The following EIF3H variants were observed in gnomAD, a reference collection of about 807,000 sequenced individuals.
EIF3H encodes eukaryotic translation initiation factor 3 subunit H.
In EIF3H, 26 loss-of-function variants were observed where a neutral mutation model predicts 44.2. The ratio of observed to expected loss-of-function variants is 0.59; its 90% CI spans 0.43 to 0.82. EIF3H has a LOEUF of 0.82. Among genes scored for constraint, EIF3H ranks in the 40% least tolerant of loss-of-function variants. The pLI is 0.00. For missense variants in EIF3H, 359 were observed against 432.8 expected, an observed-to-expected ratio of 0.83 and a Z score of 1.51; for synonymous variants, 166 against 151.9, an observed-to-expected ratio of 1.09 and a Z score of -0.68.
At chr8:116,703,679 T>A (rs1296442104) in intron 2 of EIF3H, among the ~76,000 whole-genome samples, 1 of 152,210 alleles carries the variant, frequency 6.6e-6, no homozygotes, top group Non-Finnish European at 1.5e-5. Context: ...ATGGCTTGTG[T>A]GACCTTACCT....
chr8:116,755,390 C>T (rs1006699892), intron 1 of EIF3H, among the ~76,000 whole-genome samples: 2 of 152,168 alleles, frequency 1.3e-5, no homozygotes, highest in African/African-American at 4.8e-5. Flanking sequence ...CTTCAAATCC[C>T]CCCACCGGTC....
chr8:116,746,566 G>T (rs1293204955), intron 1 of EIF3H, among the ~76,000 whole-genome samples: 5 of 152,186 alleles, frequency 3.3e-5, no homozygotes, highest in African/African-American at 7.2e-5. Context: ...CTGAATTCAA[G>T]CTCCAGGATA....
rs1188248085 is a variant in EIF3H, at chr8:116,680,047, C to T, written c.290-21067G>A. On this transcript the variant is annotated intron_variant, in intron 2 of 7. Transcript: ENST00000521861. ...TCCGGGAGGGAGGCGGGGGGGGGGT[C>T]GGCCAGCCGCCCTGTCCAGGAGGGA... 9.5e-4 allele frequency among the ~76,000 whole-genome samples: 26 copies of T among 27,416 alleles called. 7 individuals carry two copies. Among genetic ancestry groups the T allele is most frequent in the Non-Finnish European group, 2.0e-3 (20 of 9,960 alleles). 18.0% of individuals were successfully genotyped at this position (27,416 alleles called of 152,430 possible).
intron 2 of EIF3H, among the ~76,000 whole-genome samples, chr8:116,664,757 T>C (rs1483882364): frequency 8.1e-6 from 1 of 123,178 alleles, no homozygotes; most frequent in East Asian, 2.0e-4. Flanking sequence ...AACAAAGTCA[T>C]TTAAATTCTA....
At chr8:116,695,691 A>T (rs1423104827) in intron 2 of EIF3H, among the ~76,000 whole-genome samples, 1 of 152,196 alleles carries the variant, frequency 6.6e-6, no homozygotes, top group Non-Finnish European at 1.5e-5. Flanking sequence ...CAACCCATGC[A>T]TGAGGCCTGG....
chr8:116,748,681 T>C (rs1019366146), intron 1 of EIF3H, among the ~76,000 whole-genome samples: 2 of 152,234 alleles, frequency 1.3e-5, no homozygotes, highest in African/African-American at 4.8e-5. Flanking sequence ...AGGAAGCTGA[T>C]ATTCTAGTGT....
At chr8:116,672,531 G>A (rs147219839) in intron 2 of EIF3H, among the ~76,000 whole-genome samples, 1 of 152,044 alleles carries the variant, frequency 6.6e-6, no homozygotes, top group East Asian at 1.9e-4. Context: ...TCAGGAGAAC[G>A]AGGTGGAAGG....
chr8:116,664,310 CTT>C (rs1813631672), intron 2 of EIF3H, among the ~76,000 whole-genome samples: 1 of 152,168 alleles, frequency 6.6e-6, no homozygotes, highest in Non-Finnish European at 1.5e-5. Context: ...TGGGCTTTCT[CTT>C]GTTTTACTGT....
At chr8:116,717,887 A>T (rs567118628) in intron 2 of EIF3H, among the ~76,000 whole-genome samples, 31 of 152,220 alleles carry the variant, frequency 2.0e-4, no homozygotes, top group African/African-American at 7.5e-4. Context: ...AACCAAGATA[A>T]ATTGATGGGA....
At chr8:116,664,971 A>C (rs1302100816) in intron 2 of EIF3H, among the ~76,000 whole-genome samples, 2 of 152,176 alleles carry the variant, frequency 1.3e-5, no homozygotes, top group African/African-American at 2.4e-5. Flanking sequence ...AGTGTTCCAC[A>C]TATGTTATCT....
intron 5 of EIF3H, among the ~76,000 whole-genome samples, chr8:116,652,554 G>C (rs1201101321): frequency 6.6e-6 from 1 of 152,086 alleles, no homozygotes; most frequent in Non-Finnish European, 1.5e-5. Context: ...AAGTATTTAG[G>C]GGTTAAAAGT....
At chr8:116,742,474 A>G (rs1048382858) in intron 1 of EIF3H, among the ~76,000 whole-genome samples, 5 of 152,250 alleles carry the variant, frequency 3.3e-5, no homozygotes, top group Non-Finnish European at 4.4e-5. Context: ...AAATTTTCCC[A>G]CATGTACCTG....
intron 2 of EIF3H, among the ~76,000 whole-genome samples, chr8:116,690,590 A>T (rs1273838071): frequency 6.6e-6 from 1 of 152,186 alleles, no homozygotes; most frequent in South Asian, 2.1e-4. Flanking sequence ...ACTTACTGAA[A>T]AGGCTGTAAT....
At chr8:116,658,607 T>C (rs1316996995) in intron 3 of EIF3H, 6 of 476,402 alleles carry the variant, frequency 1.3e-5, no homozygotes, top group Non-Finnish European at 1.8e-5. Flanking sequence ...TTCCAAAATG[T>C]ACACATCAGG....
intron 2 of EIF3H, among the ~76,000 whole-genome samples, chr8:116,704,605 G>A (rs575120446): frequency 2.9e-4 from 44 of 152,292 alleles, no homozygotes; most frequent in South Asian, 6.2e-4. Context: ...TCCACATACA[G>A]AAGAGTAAGG....
chr8:116,715,747 A>G (rs1022830854), intron 2 of EIF3H, among the ~76,000 whole-genome samples: 2 of 152,126 alleles, frequency 1.3e-5, no homozygotes, highest in African/African-American at 4.8e-5. Flanking sequence ...CAGTTGTATA[A>G]AACAGTATCT....
chr8:116,710,270 T>C (rs1220421926), intron 2 of EIF3H, among the ~76,000 whole-genome samples: 1 of 152,220 alleles, frequency 6.6e-6, no homozygotes, highest in Non-Finnish European at 1.5e-5. Flanking sequence ...CAGGCACTGA[T>C]TTCCTAAGTC....
intron 2 of EIF3H, among the ~76,000 whole-genome samples, chr8:116,693,447 G>A (rs2130865585): frequency 6.6e-6 from 1 of 152,272 alleles, no homozygotes; most frequent in South Asian, 2.1e-4. Context: ...CTGCTGCATT[G>A]ATAAGTAGAA....
chr8:116,666,256 A>T (rs1001583049), intron 2 of EIF3H, among the ~76,000 whole-genome samples: 2 of 152,098 alleles, frequency 1.3e-5, no homozygotes, highest in African/African-American at 4.8e-5. Context: ...CAAGCTGGGG[A>T]ATAATGGAAT....
Sources: allele counts gnomAD v4.1 joint callset (sites outside exome capture counted in the v4.1 genomes callset), GRCh38; gene constraint gnomAD v4.1.1; transcripts MANE v1.5; gene names NCBI Gene and HGNC (gene_info 2026-07-23, HGNC 2026-07-21).